SYCP2L: variants seen among roughly 807,000 people sequenced by gnomAD.
The protein encoded by SYCP2L is synaptonemal complex protein 2-like.
SYCP2L carries 98 observed loss-of-function variants against 125.8 expected under a neutral mutation model. The observed-to-expected ratio is 0.78, with a 90% CI of 0.66 to 0.92. The LOEUF (loss-of-function observed/expected upper bound fraction) is 0.92. Ranked by LOEUF, SYCP2L falls within the 40% of genes least tolerant of loss-of-function variation. The probability of loss-of-function intolerance (pLI) is 0.00; values close to 1 mark genes in which losing one functional copy is unlikely to be tolerated. For synonymous variants in SYCP2L, 317 were observed against 325.4 expected (o/e 0.97, Z 0.28); for missense variants, 842 against 936.4 (o/e 0.90, Z 1.32).
At position 10,928,457 on chromosome 6, in the gene SYCP2L, A is replaced by G. The variant is rs1314164442; in HGVS notation, c.1488+7A>G. On this transcript the variant is annotated splice_region_variant and intron_variant, in intron 18 of 29. Transcript: ENST00000283141. ...TGACTTCCCGCAACAACCTGTGAGT[A>G]CAGGGAGTGGGGCTCAAGTTTCTTA... is the stretch of plus-strand genomic sequence containing the variant. 16 of 1,584,526 alleles carry G rather than the reference A, an allele frequency of 1.0e-5. No homozygotes were observed. The East Asian group carries it at 3.6e-4, about 35-fold the overall frequency.
Position 10,969,527 on chromosome 6 carries a change from A to AT in SYCP2L, c.*38-4415dup, listed in dbSNP as rs886196573. 1.3e-3 allele frequency among the ~76,000 whole-genome samples: 196 copies of AT among 148,374 alleles called. 2 individuals carry two copies. The highest frequency in any genetic ancestry group is 2.0e-3 in the Non-Finnish European group (131 of 66,830). On this transcript the variant is annotated intron_variant, in intron 29 of 29. Transcript: ENST00000283141. ...AGGCGCCCGCCACCACGCCCAGCTA[A>AT]TTTTTTTTTTGTATTTTTAGTAGAG...
chr6:10,888,240 G>A (rs1306067697), intron 1 of SYCP2L, among the ~76,000 whole-genome samples: 1 of 151,518 alleles, frequency 6.6e-6, no homozygotes, highest in Non-Finnish European at 1.5e-5. Context: ...GAGACTACAG[G>A]CGCGCGCCAC....
intron 24 of SYCP2L, among the ~76,000 whole-genome samples, chr6:10,955,822 G>A (rs928675873): frequency 2.0e-5 from 3 of 152,162 alleles, no homozygotes; most frequent in African/African-American, 2.4e-5. Context: ...CCCCTTGCAA[G>A]CCCTCTGAAG....
intron 14 of SYCP2L, among the ~76,000 whole-genome samples, chr6:10,921,596 G>A (rs1780800539): frequency 1.3e-5 from 2 of 152,072 alleles, no homozygotes. Context: ...GTATCTCATT[G>A]TGGTTTTGAT....
rs1445317584 is a variant in SYCP2L, at chr6:10,954,924, C to G, written c.1955-192C>G. On this transcript the variant is annotated intron_variant, in intron 23 of 29. Coordinates refer to ENST00000283141, the MANE Select transcript of SYCP2L (RefSeq NM_001040274.3). This position sits in a 1 kb window ranked among gnomAD's most constrained non-coding sequence, Gnocchi z 4.8. ...TGAGCTCATCAAAGGGATGCCTGTT[C>G]CCATGTTCAGGTATCAGTAGACATC... is the stretch of plus-strand genomic sequence containing the variant. 6.6e-6 allele frequency among the ~76,000 whole-genome samples: 1 copy of G among 152,124 alleles called. No individual in the cohort carries two copies. Among genetic ancestry groups the G allele is most frequent in the Admixed American group, 6.6e-5 (1 of 15,260 alleles).
chr6:10,941,591 G>T (rs571244814), intron 21 of SYCP2L, among the ~76,000 whole-genome samples: 1 of 152,110 alleles, frequency 6.6e-6, no homozygotes, highest in Non-Finnish European at 1.5e-5. Flanking sequence ...AATCAAAACC[G>T]CAATGAGATA....
In SYCP2L at chr6:10,926,429, A is replaced by G. The variant is rs377257213; in HGVS notation, c.1309A>G (p.Thr437Ala). The G allele has an allele frequency of 3.0e-5, 49 of 1,610,078 alleles. No homozygotes were observed. In the African/African-American group the frequency reaches 6.0e-4, roughly 20 times the overall value. The change falls in exon 16 of 30, where the codon ACA becomes GCA. Residue 437 changes from threonine to alanine, a missense_variant. Transcript: ENST00000283141. ...RESPSGLERE[T>A]EQAEESTNMV... ...GAGTCCCAGTGGCCTTGAAAGAGAA[A>G]CAGGTATATTGGGAAATAACAAAAT...
intron 29 of SYCP2L, among the ~76,000 whole-genome samples, chr6:10,964,777 T>C (rs1293219910): frequency 6.6e-6 from 1 of 152,106 alleles, no homozygotes; most frequent in Non-Finnish European, 1.5e-5. Flanking sequence ...AACAAGGTGC[T>C]TTGGCAGAGA....
chr6:10,942,640 A>T (rs367809675), intron 22 of SYCP2L, 37 bp from the exon 23 acceptor site: 11 of 1,610,572 alleles, frequency 6.8e-6, no homozygotes, highest in East Asian at 2.2e-5. Context: ...TTGCTTTGCC[A>T]TAAAGGACGT....
chr6:10,887,674 G>A lies in SYCP2L; in HGVS notation c.9+539G>A, dbSNP rs940357860. ...CGTGTTTCTAACATTCTTCTGCCTG[G>A]GTTCCTGGTGGTAGAAATTCTGATG... On this transcript the variant is annotated intron_variant, in intron 1 of 29. Transcript: ENST00000283141. Among the ~76,000 whole-genome samples the A allele has an allele frequency of 2.0e-5, 3 of 152,198 alleles. No homozygotes were observed. In the South Asian group the frequency reaches 6.2e-4, roughly 32 times the overall value.
chr6:10,930,494 G>T lies in SYCP2L; in HGVS notation c.1613G>T (p.Arg538Ile). The stretch of plus-strand genomic sequence containing the variant: ...TCATATTCCAGTAGAAAGAAGACAA[G>T]AACCAGAAGTAATTTGAGAAGTAAG... ...LKSYSSRKKT[R>I]TRSNLRILPV... Residue 538 changes from arginine to isoleucine, a missense_variant, in exon 19 of 30, where the codon AGA becomes ATA. Transcript: ENST00000283141. 1 of 1,612,034 alleles carries T rather than the reference G, an allele frequency of 6.2e-7. No homozygotes were observed. Among genetic ancestry groups the T allele is most frequent in the South Asian group, 1.1e-5 (1 of 90,612 alleles).
At chr6:10,916,739 C>T (rs570853754) in intron 14 of SYCP2L, among the ~76,000 whole-genome samples, 30 of 152,298 alleles carry the variant, frequency 2.0e-4, no homozygotes, top group African/African-American at 6.5e-4. Context: ...CCTGTAATCC[C>T]GGCACTTTGG....
intron 10 of SYCP2L, among the ~76,000 whole-genome samples, chr6:10,909,548 A>G (rs1780569661): frequency 6.6e-6 from 1 of 152,170 alleles, no homozygotes; most frequent in Non-Finnish European, 1.5e-5. Context: ...AAGGGAACAA[A>G]AACTTGGATC....
rs368550955 is a variant in SYCP2L, at chr6:10,915,347, C to G, written c.1072+2420C>G. ...TGTCTGATTGCTCTGGCTAGGACTT[C>G]CGATACTATGTTGAAGAGGAGTGGT... On this transcript the variant is annotated intron_variant, in intron 14 of 29. Transcript: ENST00000283141. Among the ~76,000 whole-genome samples, 13 of 152,260 alleles carry G rather than the reference C, an allele frequency of 8.5e-5. No individual in the cohort carries two copies. The South Asian group carries it at 1.0e-3, about 12-fold the overall frequency.
chr6:10,970,920 G>A (rs564460728), intron 29 of SYCP2L, among the ~76,000 whole-genome samples: 1 of 152,138 alleles, frequency 6.6e-6, no homozygotes, highest in South Asian at 2.1e-4. Flanking sequence ...AGGATGAGAA[G>A]GAGTGACTAA....
At chr6:10,888,539 C>T (rs116449545) in intron 1 of SYCP2L, among the ~76,000 whole-genome samples, 4,616 of 152,202 alleles carry the variant, frequency 0.03, 251 homozygotes, top group African/African-American at 0.1. Context: ...GGATACCTTT[C>T]TGTGTACTAG....
chr6:10,902,885 C>T lies in SYCP2L; in HGVS notation c.563C>T (p.Thr188Ile), dbSNP rs1449263172. 2 of 1,614,148 alleles carry T rather than the reference C, an allele frequency of 1.2e-6. No homozygotes were observed. Among genetic ancestry groups the T allele is most frequent in the Non-Finnish European group, 1.7e-6 (2 of 1,180,018 alleles). The change falls in exon 8 of 30, where the codon ACT (threonine) becomes ATT (isoleucine). Residue 188 changes from threonine (T) to isoleucine (I), a missense_variant. Physicochemically the swap from Thr to Ile is moderately conservative, Grantham distance 89 (BLOSUM62 -1). Transcript: ENST00000283141. Reference protein sequence around the residue: ...NHLLQQEGLKTFNCILHAVPR... With the variant: ...NHLLQQEGLKIFNCILHAVPR... Reference sequence around the variant, plus strand: ...CTCAATTCCAAAAAGGGCTTGAAGACTTTTAACTGCATTTTGCACGCTGTC... The same window carrying T: ...CTCAATTCCAAAAAGGGCTTGAAGATTTTTAACTGCATTTTGCACGCTGTC...
chr6:10,974,142 AC>A lies in SYCP2L; in HGVS notation c.*230del, dbSNP rs1781820127. Reference sequence around the variant, plus strand: ...ATTATCCATTTGTTCATAAAAATTAACCTTTTGTATTAAAATTTGGTCAGAT... The same window carrying A: ...ATTATCCATTTGTTCATAAAAATTAACTTTTGTATTAAAATTTGGTCAGAT... On this transcript the variant is annotated 3_prime_UTR_variant, in exon 30 of 30. Coordinates refer to ENST00000283141, the MANE Select transcript of SYCP2L (RefSeq NM_001040274.3). 1 of 152,182 alleles carries A rather than the reference AC, an allele frequency of 6.6e-6. No homozygotes were observed. Among genetic ancestry groups the A allele is most frequent in the South Asian group, 2.1e-4 (1 of 4,834 alleles). 9.4% of individuals were successfully genotyped at this position (152,182 alleles called of 1,614,324 possible). A position where few individuals can be genotyped will look rare whatever the true frequency, so the allele number is the denominator to read the frequency against.
At chr6:10,952,844 A>C (rs1781435865) in intron 23 of SYCP2L, among the ~76,000 whole-genome samples, 1 of 152,318 alleles carries the variant, frequency 6.6e-6, no homozygotes, top group East Asian at 1.9e-4. Context: ...GGATCCCCCC[A>C]GAAAATATCC....
Sources: gnomAD v4.1 joint callset for allele counts (sites outside exome capture counted in the v4.1 genomes callset) on GRCh38, gnomAD v4.1.1 for gene constraint, Gnocchi (gnomAD v3.1) non-coding constraint, MANE v1.5 for transcripts, NCBI Gene and HGNC (gene_info 2026-07-23, HGNC 2026-07-21) for gene names.